SQOR: variants seen among roughly 807,000 people sequenced by gnomAD.
The protein encoded by SQOR is sulfide quinone oxidoreductase.
SQOR carries 39 observed loss-of-function variants against 48.6 expected under a neutral mutation model. The observed-to-expected ratio is 0.80, with a 90% confidence interval of 0.62 to 1.05. SQOR has a LOEUF of 1.05. Ranked by LOEUF, SQOR falls within the 50% of genes least tolerant of loss-of-function variation. SQOR has a pLI of 0.00. For synonymous variants in SQOR, 220 were observed against 206.2 expected (o/e 1.07, Z -0.57); for missense variants, 561 against 559.9 (o/e 1.00, Z -0.02).
intron 1 of SQOR, chr15:45,646,134 A>G (rs570496232): frequency 6.6e-6 from 1 of 152,362 alleles, no homozygotes; most frequent in South Asian, 2.1e-4. Context: ...TTCAATGCCC[A>G]TAAAACCCAG....
intron 1 of SQOR, among the ~76,000 whole-genome samples, chr15:45,648,454 G>C (rs1889392122): frequency 1.3e-5 from 2 of 152,330 alleles, no homozygotes; most frequent in South Asian, 2.1e-4. Flanking sequence ...GGGATTACAG[G>C]CGTGAGCCAC....
At chr15:45,644,338 G>A (rs540272355) in intron 1 of SQOR, among the ~76,000 whole-genome samples, 2 of 152,060 alleles carry the variant, frequency 1.3e-5, no homozygotes, top group Non-Finnish European at 2.9e-5. Context: ...CACCTGCCTC[G>A]GCCTTCTAAA....
intron 3 of SQOR, among the ~76,000 whole-genome samples, chr15:45,663,463 C>G (rs190369406): frequency 7.9e-4 from 120 of 152,228 alleles, no homozygotes; most frequent in African/African-American, 2.9e-3. Context: ...TCCCTGGACC[C>G]TGATCAAGAG....
chr15:45,668,821 G>A (rs777981967), intron 3 of SQOR, among the ~76,000 whole-genome samples: 2 of 152,168 alleles, frequency 1.3e-5, no homozygotes, highest in Non-Finnish European at 2.9e-5. Context: ...TTCTAGGCAA[G>A]TTCTTGTACT....
At chr15:45,649,743 A>C (rs1404725868) in intron 1 of SQOR, among the ~76,000 whole-genome samples, 1 of 152,172 alleles carries the variant, frequency 6.6e-6, no homozygotes, top group African/African-American at 2.4e-5. Flanking sequence ...TTGGCCTACC[A>C]AAGTGCTGGA....
intron 1 of SQOR, among the ~76,000 whole-genome samples, chr15:45,649,872 T>C (rs192621265): frequency 6.6e-6 from 1 of 152,118 alleles, no homozygotes; most frequent in African/African-American, 2.4e-5. Flanking sequence ...TGTGTGTTTT[T>C]TTGAGACAGT....
chr15:45,644,416 A>G (rs1895165119), intron 1 of SQOR, among the ~76,000 whole-genome samples: 1 of 152,206 alleles, frequency 6.6e-6, no homozygotes, highest in African/African-American at 2.4e-5. Flanking sequence ...TTTAGTGGAT[A>G]TGTGAGGAGA....
intron 1 of SQOR, among the ~76,000 whole-genome samples, chr15:45,651,882 T>C (rs1174475011): frequency 2.0e-5 from 3 of 152,124 alleles, no homozygotes; most frequent in African/African-American, 7.2e-5. Context: ...CTTCTCCTTC[T>C]TCTTCTTCTT....
intron 1 of SQOR, among the ~76,000 whole-genome samples, chr15:45,655,681 C>CTTTTT (rs60764234): frequency 5.6e-5 from 8 of 143,734 alleles, no homozygotes; most frequent in African/African-American, 5.1e-5. Context: ...GAAAGTATAT[C>CTTTTT]TTTTTTTTTT....
At chr15:45,635,913 G>T (rs529654454) in intron 1 of SQOR, among the ~76,000 whole-genome samples, 1 of 152,156 alleles carries the variant, frequency 6.6e-6, no homozygotes, top group South Asian at 2.1e-4. Context: ...TCGGCTCACT[G>T]CCACCTCCAC....
intron 1 of SQOR, among the ~76,000 whole-genome samples, chr15:45,645,501 T>G (rs1895188297): frequency 6.6e-6 from 1 of 152,198 alleles, no homozygotes; most frequent in African/African-American, 2.4e-5. Context: ...TTCCCCAATG[T>G]GGGTTGGCCT....
At chr15:45,634,198 C>CTATATATATATATATATATATG (rs1555399807), upstream of SQOR, among the ~76,000 whole-genome samples, 2 of 43,844 alleles carry the variant, frequency 4.6e-5, no homozygotes, top group Admixed American at 2.4e-4. Context: ...ACAACAACAA[C>CTATATATATATATATATATATG]TATATATATA....
chr15:45,682,446 A>G (rs772989567), intron 6 of SQOR, 32 bp from the exon 7 acceptor site: 11 of 1,611,534 alleles, frequency 6.8e-6, no homozygotes, highest in South Asian at 5.5e-5. Context: ...ATATTGAATA[A>G]ATGAAAATGT....
intron 1 of SQOR, among the ~76,000 whole-genome samples, chr15:45,657,889 G>A (rs569978180): frequency 6.6e-6 from 1 of 152,282 alleles, no homozygotes; most frequent in African/African-American, 2.4e-5. Context: ...TGGACTTGAC[G>A]GTAGGATTTG....
intron 3 of SQOR, among the ~76,000 whole-genome samples, chr15:45,669,250 A>G (rs950664250): frequency 2.6e-5 from 4 of 151,388 alleles, no homozygotes; most frequent in Admixed American, 2.0e-4. Flanking sequence ...GCTCACTGCA[A>G]CCTCCACCTC....
chr15:45,672,723 T>C (rs1333799690), intron 4 of SQOR, among the ~76,000 whole-genome samples: 3 of 152,228 alleles, frequency 2.0e-5, no homozygotes, highest in Non-Finnish European at 4.4e-5. Context: ...ACATTTATAA[T>C]AGGTGTCTAG....
intron 5 of SQOR, among the ~76,000 whole-genome samples, chr15:45,674,693 G>T (rs1339187271): frequency 6.6e-6 from 1 of 152,140 alleles, no homozygotes. Flanking sequence ...AGATATTTGG[G>T]CAGGAGGAGA....
Position 45,659,130 on chromosome 15 carries a change from G to C in SQOR, c.207G>C (p.Glu69Asp). Residue 69 changes from glutamate (E) to aspartate (D), a missense_variant, in exon 2 of 10, where the codon GAG (glutamate) becomes GAC (aspartate). Transcript: ENST00000260324. Reference protein sequence around the residue: ...AARMKRKVGAENVAIVEPSER... With the variant: ...AARMKRKVGADNVAIVEPSER... ...GCATGAAGAGGAAAGTGGGTGCAGAGAATGTGGCCATTGTTGAGCCCAGTG... is the reference window on the plus strand; with the variant it reads ...GCATGAAGAGGAAAGTGGGTGCAGACAATGTGGCCATTGTTGAGCCCAGTG... 2 of 1,561,224 alleles carry C rather than the reference G, an allele frequency of 1.3e-6. No homozygotes were observed. Among genetic ancestry groups the C allele is most frequent in the South Asian group, 1.2e-5 (1 of 83,972 alleles).
At position 45,662,014 on chromosome 15, in the gene SQOR, A is replaced by T; in HGVS notation, c.294A>T (p.Ser98=). 1 of 1,614,234 alleles carries T rather than the reference A, an allele frequency of 6.2e-7. No individual in the cohort carries two copies. Among genetic ancestry groups the T allele is most frequent in the Non-Finnish European group, 8.5e-7 (1 of 1,180,032 alleles). ...GTGCTGGTGCCAAACAATTGTCCTC[A>T]TCTGGTCGTCCCACGGCAAGTGTGA... is the stretch of plus-strand genomic sequence containing the variant. ...LVGAGAKQLS[S]SGRPTASVIP... is the part of the protein sequence containing the mutation. The change falls in exon 3 of 10, where the codon TCA becomes TCT. Residue 98 remains serine, a synonymous_variant. Coordinates refer to ENST00000260324, the MANE Select transcript of SQOR (RefSeq NM_021199.4).
Sources: allele counts gnomAD v4.1 joint callset (sites outside exome capture counted in the v4.1 genomes callset), GRCh38; gene constraint gnomAD v4.1.1; transcripts MANE v1.5; gene names NCBI Gene and HGNC (gene_info 2026-07-23, HGNC 2026-07-21).